Variants in GLDC observed in about 807,000 individuals in gnomAD.
GLDC encodes the protein glycine dehydrogenase (decarboxylating), mitochondrial.
GLDC carries 104 observed loss-of-function variants against 121.3 expected under a neutral mutation model. The observed-to-expected ratio is 0.86, with a 90% CI of 0.73 to 1.01. The LOEUF (loss-of-function observed/expected upper bound fraction) is 1.01, where lower values mean the gene tolerates loss of function less well. Among genes scored for constraint, GLDC ranks in the 50% least tolerant of loss-of-function variants. The pLI is 0.00. For missense variants in GLDC, 1,429 were observed against 1,306.6 expected, an observed-to-expected ratio of 1.09 and a Z score of -1.44; for synonymous variants, 546 against 480.6, an observed-to-expected ratio of 1.14 and a Z score of -1.78.
intron 21 of GLDC, chr9:6,542,360 T>A (rs1293182795): frequency 1.3e-5 from 2 of 152,180 alleles, no homozygotes; most frequent in African/African-American, 4.8e-5. Context: ...CAGTTCAGCC[T>A]CCTGAGAGTA....
At position 6,599,720 on chromosome 9, in the gene GLDC, CA is replaced by C. The variant is rs549444099; in HGVS notation, c.1155+2388del. Among the ~76,000 whole-genome samples, 551 of 120,726 alleles carry C rather than the reference CA, an allele frequency of 4.6e-3. 15 individuals are homozygous for C. The highest frequency in any genetic ancestry group is 0.016 in the African/African-American group (493 of 29,914). The allele number at this position is 120,726 out of a possible 152,430, so 79.2% of individuals were successfully genotyped here. A position where few individuals can be genotyped will look rare whatever the true frequency, so the allele number is the denominator to read the frequency against. On this transcript the variant is annotated intron_variant, in intron 8 of 24. Coordinates refer to ENST00000321612, the MANE Select transcript of GLDC (RefSeq NM_000170.3). ...TGGGTGACAGAGCAAGACTCCATCTCAAAAAAAAAAAAAACAACCAAAAAAA... is the reference window on the plus strand; with the variant it reads ...TGGGTGACAGAGCAAGACTCCATCTCAAAAAAAAAAAAACAACCAAAAAAA...
rs182520516 is a variant in GLDC at position 6,643,021 on chromosome 9, C to A, written c.334+1593G>T. On this transcript the variant is annotated intron_variant, in intron 2 of 24. Transcript: ENST00000321612. ...CAAGTGTTTCTGCCACATTAGCCTC[C>A]GGAGTAGCTGGGATTACAGGCGCAC... Among the ~76,000 whole-genome samples, 41 of 152,092 alleles carry A rather than the reference C, an allele frequency of 2.7e-4. No individual in the cohort carries two copies. The East Asian group carries it at 2.7e-3, about 10-fold the overall frequency.
At chr9:6,594,886 A>G (rs900854319) in intron 9 of GLDC, 128 bp downstream of exon 9, 1 of 722,860 alleles carries the variant, frequency 1.4e-6, no homozygotes. Flanking sequence ...GGATGTTGAA[A>G]GTATTTTTCC....
intron 12 of GLDC, 100 bp from the exon 13 acceptor site, chr9:6,588,802 G>A (rs1818319955): frequency 1.2e-6 from 1 of 806,514 alleles, no homozygotes; most frequent in South Asian, 1.4e-5. Context: ...CTTTCAAAAT[G>A]CAGATCAATT....
intron 15 of GLDC, among the ~76,000 whole-genome samples, chr9:6,582,686 G>T (rs181039180): frequency 2.5e-4 from 38 of 152,032 alleles, no homozygotes; most frequent in Non-Finnish European, 5.0e-4. Context: ...AAAATTAGCC[G>T]GGTGTGGTGG....
At chr9:6,616,051 A>G (rs1818961769) in intron 3 of GLDC, among the ~76,000 whole-genome samples, 1 of 152,194 alleles carries the variant, frequency 6.6e-6, no homozygotes, top group African/African-American at 2.4e-5. Context: ...TTCCTGCCTC[A>G]GCCTCCCAAG....
chr9:6,562,474 C>T (rs538450577), intron 16 of GLDC, among the ~76,000 whole-genome samples: 59 of 152,242 alleles, frequency 3.9e-4, no homozygotes, highest in African/African-American at 1.4e-3. Context: ...GAGCAGCTGC[C>T]TCAGACATCA....
rs1399805578 is a variant in GLDC, at chr9:6,553,635, C to A, written c.2316-126G>T. 42 of 863,294 alleles carry A rather than the reference C, an allele frequency of 4.9e-5. No individual in the cohort carries two copies. The East Asian group carries it at 1.0e-3, about 21-fold the overall frequency. 53.5% of individuals were successfully genotyped at this position (863,294 alleles called of 1,614,324 possible). ...GAGCTCTGACAGTGGAAGGGACTCTCCACCTGCTGGGAGGCAGATGTTCAG... is the reference window on the plus strand; with the variant it reads ...GAGCTCTGACAGTGGAAGGGACTCTACACCTGCTGGGAGGCAGATGTTCAG... On this transcript the variant is annotated intron_variant, in intron 19 of 24. Coordinates refer to ENST00000321612, the MANE Select transcript of GLDC (RefSeq NM_000170.3).
At chr9:6,634,512 T>A (rs10117019) in intron 2 of GLDC, among the ~76,000 whole-genome samples, 27,484 of 150,634 alleles carry the variant, frequency 0.18, 2,831 homozygotes, top group East Asian at 0.36. Context: ...CTAGGTGACA[T>A]AACCAGACCG....
At chr9:6,644,485 C>A in intron 2 of GLDC, 129 bp downstream of exon 2, 1 of 719,484 alleles carries the variant, frequency 1.4e-6, no homozygotes, top group Admixed American at 2.1e-5. Context: ...GTACCCGCCA[C>A]TGTTTTATTT....
chr9:6,628,372 C>T (rs749547560), intron 2 of GLDC, among the ~76,000 whole-genome samples: 2 of 152,210 alleles, frequency 1.3e-5, no homozygotes, highest in Non-Finnish European at 2.9e-5. Flanking sequence ...CATTCCTCAC[C>T]CTTTTCCTTT....
In GLDC at chr9:6,592,977, T is replaced by C. The variant is rs1818407549; in HGVS notation, c.1275A>G (p.Ala425=). 1 of 1,611,216 alleles carries C rather than the reference T, an allele frequency of 6.2e-7. No homozygotes were observed. Among genetic ancestry groups the C allele is most frequent in the African/African-American group, 1.3e-5 (1 of 74,218 alleles). The part of the protein sequence containing the change: ...TLILSEGLKR[A]GHQLQHDLFF... ...ACAGGTCATGCTGGAGTTGATGCCC[T>C]GCTCGCTTGAGACCTACACAAGATA... The change falls in exon 10 of 25, where the codon GCA becomes GCG. Residue 425 remains alanine (A), a synonymous_variant. Coordinates refer to ENST00000321612, the MANE Select transcript of GLDC (RefSeq NM_000170.3).
At chr9:6,598,332 T>G (rs969663978) in intron 8 of GLDC, among the ~76,000 whole-genome samples, 1 of 152,216 alleles carries the variant, frequency 6.6e-6, no homozygotes, top group Non-Finnish European at 1.5e-5. Flanking sequence ...CACCCTGTTT[T>G]TTCAGTTTTG....
chr9:6,566,504 C>A (rs867895687), intron 15 of GLDC: 1 of 152,230 alleles, frequency 6.6e-6, no homozygotes, highest in African/African-American at 2.4e-5. Flanking sequence ...CTGGCAGTCT[C>A]AGGTTCGGCT....
chr9:6,557,411 C>T (rs1210626947), intron 17 of GLDC, among the ~76,000 whole-genome samples: 2 of 152,094 alleles, frequency 1.3e-5, no homozygotes, highest in South Asian at 2.1e-4. Context: ...CTGGCCAATA[C>T]GGGGAAACCC....
intron 24 of GLDC, 148 bp downstream of exon 24, chr9:6,534,560 C>G: frequency 1.5e-6 from 1 of 649,948 alleles, no homozygotes. Flanking sequence ...AAGCCAATTT[C>G]TTTGCTCCTC....
At chr9:6,535,065 G>A (rs904506015) in intron 23 of GLDC, among the ~76,000 whole-genome samples, 5 of 152,146 alleles carry the variant, frequency 3.3e-5, no homozygotes, top group Non-Finnish European at 7.3e-5. Flanking sequence ...CACGTTTGGT[G>A]CTGCCTGTAT....
intron 4 of GLDC, among the ~76,000 whole-genome samples, chr9:6,608,719 C>A (rs1177672261): frequency 6.6e-6 from 1 of 151,722 alleles, no homozygotes; most frequent in Non-Finnish European, 1.5e-5. Context: ...GTACTCCAGC[C>A]CGGGCGAAAG....
At chr9:6,566,435 T>A (rs1321446935) in intron 15 of GLDC, 1 of 152,124 alleles carries the variant, frequency 6.6e-6, no homozygotes, top group Non-Finnish European at 1.5e-5. Context: ...TTACCAAATA[T>A]CGAGTCAAGG....
Sources: gnomAD v4.1 joint callset for allele counts (sites outside exome capture counted in the v4.1 genomes callset) on GRCh38, gnomAD v4.1.1 for gene constraint, MANE v1.5 for transcripts, NCBI Gene and HGNC (gene_info 2026-07-23, HGNC 2026-07-21) for gene names.